APOLD1: variants seen among roughly 807,000 people sequenced by gnomAD.
APOLD1 encodes apolipoprotein L domain containing 1, also known as apolipoprotein L domain-containing protein 1.
Under a neutral mutation model 15.3 loss-of-function variants are expected in APOLD1, and 22 were observed. The ratio of observed to expected loss-of-function variants is 1.44; its 90% CI spans 1.03 to 2.05. The LOEUF (loss-of-function observed/expected upper bound fraction) is 2.05, where lower values mean the gene tolerates loss of function less well. Ranked by LOEUF, APOLD1 falls within the 30% of genes most tolerant of loss-of-function variation. The pLI is 0.00. For synonymous variants in APOLD1, 190 were observed against 167.4 expected (o/e 1.13, Z -1.04); for missense variants, 394 against 353.5 (o/e 1.11, Z -0.92).
intron 1 of APOLD1, 61 bp from the exon 2 acceptor site, chr12:12,786,848 A>C (rs1271155321): frequency 2.2e-6 from 3 of 1,351,422 alleles, no homozygotes; most frequent in East Asian, 3.1e-5. Context: ...TCCGGGCAGC[A>C]GGGCGGGAGC....
chr12:12,774,575 GAAAGA>G (rs796992444), intron 1 of APOLD1, among the ~76,000 whole-genome samples: 16,465 of 93,176 alleles, frequency 0.18, 1,677 homozygotes, highest in East Asian at 0.35. Context: ...AAAAAAAAAA[GAAAGA>G]AAAGAAAAGT....
chr12:12,770,160 A>T (rs7301463), intron 1 of APOLD1, among the ~76,000 whole-genome samples: 107 of 152,042 alleles, frequency 7.0e-4, no homozygotes, highest in African/African-American at 2.3e-3. Flanking sequence ...CTGTAATCCC[A>T]GCACTTTGGG....
chr12:12,758,377 C>T (rs559053147), intron 1 of APOLD1, among the ~76,000 whole-genome samples: 60 of 151,902 alleles, frequency 3.9e-4, no homozygotes, highest in African/African-American at 1.3e-3. Context: ...AAACCTTGTC[C>T]GTACTAAAAA....
intron 1 of APOLD1, among the ~76,000 whole-genome samples, chr12:12,786,054 G>A (rs2136401646): frequency 6.6e-6 from 1 of 152,306 alleles, no homozygotes; most frequent in Middle Eastern, 3.4e-3. Context: ...CCCCCAAGAT[G>A]TACAACTTGT....
At chr12:12,784,554 T>C (rs1947109223), upstream of APOLD1, among the ~76,000 whole-genome samples, 1 of 152,218 alleles carries the variant, frequency 6.6e-6, no homozygotes, top group South Asian at 2.1e-4. Context: ...ATACAAAGTA[T>C]AGTCATAAAG....
chr12:12,750,680 T>C (rs1946806382), intron 1 of APOLD1, among the ~76,000 whole-genome samples: 1 of 152,218 alleles, frequency 6.6e-6, no homozygotes, highest in African/African-American at 2.4e-5. Flanking sequence ...ATCTCATTGT[T>C]GATCCTCTGA....
chr12:12,760,992 A>G (rs144419569), intron 1 of APOLD1, among the ~76,000 whole-genome samples: 2,147 of 152,344 alleles, frequency 0.014, 53 homozygotes, highest in African/African-American at 0.048. Flanking sequence ...TTTGGAACAT[A>G]TTCGTGCTTT....
chr12:12,741,118 C>T (rs1470097463), intron 1 of APOLD1, among the ~76,000 whole-genome samples: 6 of 152,200 alleles, frequency 3.9e-5, no homozygotes, highest in African/African-American at 1.4e-4. Context: ...CCTTTCCCTC[C>T]CCATTTGGAA....
chr12:12,752,153 A>G (rs576985588), intron 1 of APOLD1, among the ~76,000 whole-genome samples: 1 of 152,362 alleles, frequency 6.6e-6, no homozygotes, highest in Admixed American at 6.5e-5. Context: ...GAGACCTTCT[A>G]TAAGAAGGAA....
chr12:12,730,679 CT>C (rs1431948931), intron 1 of APOLD1, among the ~76,000 whole-genome samples: 1 of 94,042 alleles, frequency 1.1e-5, no homozygotes, highest in Non-Finnish European at 1.9e-5. Flanking sequence ...GAGACTTCCT[CT>C]AAAAAAAAAA....
chr12:12,772,796 C>T (rs1362973391), intron 1 of APOLD1, among the ~76,000 whole-genome samples: 1 of 152,046 alleles, frequency 6.6e-6, no homozygotes, highest in African/African-American at 2.4e-5. Context: ...TACTCTCAGA[C>T]CACAATGAAA....
chr12:12,790,600 G>A lies in APOLD1; in HGVS notation c.*2948G>A, dbSNP rs1947177765. 1.3e-5 allele frequency: 2 copies of A among 152,118 alleles called. 1 individual carries two copies. Among genetic ancestry groups the A allele is most frequent in the South Asian group, 4.1e-4 (2 of 4,828 alleles). 9.4% of individuals were successfully genotyped at this position (152,118 alleles called of 1,614,324 possible). On this transcript the variant is annotated 3_prime_UTR_variant, in exon 2 of 2. Coordinates refer to ENST00000356591, the MANE Select transcript of APOLD1 (RefSeq NM_030817.3). ...AAAAGTTCTAGACTTTTGAAGTTAT[G>A]ATTTCAGTGGCCCACTTTATTTCTA... is the stretch of plus-strand genomic sequence containing the variant.
At chr12:12,748,034 T>C (rs7970677) in intron 1 of APOLD1, among the ~76,000 whole-genome samples, 41,619 of 152,166 alleles carry the variant, frequency 0.27, 6,129 homozygotes, top group Middle Eastern at 0.39. Context: ...GACAAGGGCA[T>C]GGGGCTGTCA....
At chr12:12,738,745 A>G (rs1946709486) in intron 1 of APOLD1, among the ~76,000 whole-genome samples, 3 of 152,148 alleles carry the variant, frequency 2.0e-5, no homozygotes, top group Admixed American at 1.3e-4. Context: ...ATTTGAAAAG[A>G]AGTTTGACAT....
At chr12:12,776,513 G>A (rs1046728813) in intron 1 of APOLD1, among the ~76,000 whole-genome samples, 16 of 152,198 alleles carry the variant, frequency 1.1e-4, no homozygotes, top group African/African-American at 2.2e-4. Flanking sequence ...TAGATATTTC[G>A]TAATAGGGCC....
intron 1 of APOLD1, among the ~76,000 whole-genome samples, chr12:12,729,199 AT>A (rs1437476936): frequency 6.6e-6 from 1 of 151,834 alleles, no homozygotes; most frequent in Non-Finnish European, 1.5e-5. Flanking sequence ...TTTAAAATGA[AT>A]TTGTCTAGTT....
chr12:12,739,598 C>CT (rs1236301972), intron 1 of APOLD1, among the ~76,000 whole-genome samples: 1 of 151,888 alleles, frequency 6.6e-6, no homozygotes, highest in African/African-American at 2.4e-5. Flanking sequence ...GGAGAAAAAC[C>CT]TTTTTTATTA....
intron 1 of APOLD1, among the ~76,000 whole-genome samples, chr12:12,772,091 C>A (rs1946992650): frequency 1.3e-5 from 2 of 151,916 alleles, no homozygotes; most frequent in Admixed American, 6.6e-5. Flanking sequence ...GAACAAAGAA[C>A]AAGAACAACA....
At chr12:12,768,091 G>A (rs77704689) in intron 1 of APOLD1, among the ~76,000 whole-genome samples, 75 of 152,114 alleles carry the variant, frequency 4.9e-4, no homozygotes, top group African/African-American at 1.8e-3. Context: ...GGCCTACTAT[G>A]CAATTTTATA....
Sources: allele counts gnomAD v4.1 joint callset (sites outside exome capture counted in the v4.1 genomes callset), GRCh38; gene constraint gnomAD v4.1.1; transcripts MANE v1.5; gene names NCBI Gene and HGNC (gene_info 2026-07-23, HGNC 2026-07-21).